The following DIP2C variants were observed in gnomAD, a reference collection of about 807,000 sequenced individuals.
The protein encoded by DIP2C is DIP2 acetate--CoA ligase C (putative), also known as disco-interacting protein 2 homolog C.
DIP2C carries 33 observed loss-of-function variants against 192.4 expected under a neutral mutation model. The ratio of observed to expected loss-of-function variants is 0.17; its 90% CI spans 0.13 to 0.23. The LOEUF (loss-of-function observed/expected upper bound fraction) is 0.23, where lower values mean the gene tolerates loss of function less well. Ranked by LOEUF, DIP2C falls within the 10% of genes least tolerant of loss-of-function variation. The probability of loss-of-function intolerance (pLI) is 1.00; values close to 1 mark genes in which losing one functional copy is unlikely to be tolerated. For missense variants in DIP2C, 1,537 were observed against 2,110.1 expected (o/e 0.73, Z 5.32); for synonymous variants, 979 against 864.1 (o/e 1.13, Z -2.33).
intron 1 of DIP2C, among the ~76,000 whole-genome samples, chr10:503,101 G>T (rs993136558): frequency 1.4e-5 from 2 of 138,778 alleles, no homozygotes; most frequent in African/African-American, 5.4e-5. Context: ...GACTTACCAC[G>T]ATTCCAACAT....
chr10:491,627 G>A, intron 1 of DIP2C, among the ~76,000 whole-genome samples: 1 of 152,196 alleles, frequency 6.6e-6, no homozygotes. Context: ...AACTAGTGTG[G>A]GTCGCATTTT....
In DIP2C at chr10:277,276, G is replaced by T. The variant is rs746003575; in HGVS notation, c.*49C>A. The stretch of plus-strand genomic sequence containing the variant: ...GTCTGCACGCTTCAGTGGACACGGA[G>T]AACAATGTCTACATCTCTAGAAAAG... On this transcript the variant is annotated 3_prime_UTR_variant, in exon 37 of 37. Transcript: ENST00000280886. The T allele has an allele frequency of 1.0e-5, 16 of 1,600,092 alleles. No individual in the cohort carries two copies. The African/African-American group carries it at 1.5e-4, about 15-fold the overall frequency.
At chr10:529,179 T>C (rs1847235319) in intron 1 of DIP2C, among the ~76,000 whole-genome samples, 1 of 152,238 alleles carries the variant, frequency 6.6e-6, no homozygotes. Context: ...AGATGGGAAC[T>C]GGGACACTGC....
chr10:578,431 C>A (rs560706076), intron 1 of DIP2C, among the ~76,000 whole-genome samples: 1 of 152,302 alleles, frequency 6.6e-6, no homozygotes, highest in Admixed American at 6.5e-5. Context: ...TTAGTTCTAC[C>A]TCACTGAAAT....
At chr10:552,089 A>C (rs888324157) in intron 1 of DIP2C, among the ~76,000 whole-genome samples, 1 of 152,350 alleles carries the variant, frequency 6.6e-6, no homozygotes, top group Non-Finnish European at 1.5e-5. Context: ...TCAGTCTGCA[A>C]TCTAAGCTGG....
intron 1 of DIP2C, among the ~76,000 whole-genome samples, chr10:561,341 C>A (rs1051630464): frequency 6.6e-6 from 1 of 152,144 alleles, no homozygotes; most frequent in East Asian, 1.9e-4. Context: ...GCCCACTGTA[C>A]GAGAAGTCTC....
intron 22 of DIP2C, among the ~76,000 whole-genome samples, 181 bp from the exon 23 acceptor site, chr10:358,118 C>T (rs1959169241): frequency 6.6e-6 from 1 of 152,090 alleles, no homozygotes; most frequent in African/African-American, 2.4e-5. Context: ...GTGTAACAAG[C>T]CTTGGTCAGG....
intron 24 of DIP2C, among the ~76,000 whole-genome samples, chr10:350,445 T>A (rs553529067): frequency 6.6e-6 from 1 of 152,118 alleles, no homozygotes; most frequent in African/African-American, 2.4e-5. Context: ...CCTAGTTCCT[T>A]TGCAGCACTC....
At chr10:311,472 G>C in intron 31 of DIP2C, 7 of 1,210,406 alleles carry the variant, frequency 5.8e-6, no homozygotes, top group Non-Finnish European at 7.2e-6. Flanking sequence ...CCCACGGCTG[G>C]ATGCGGGCAA....
chr10:425,330 G>A (rs1370496386), intron 4 of DIP2C, among the ~76,000 whole-genome samples: 1 of 84,056 alleles, frequency 1.2e-5, no homozygotes, highest in African/African-American at 4.8e-5. Flanking sequence ...AATGTGACAC[G>A]GATGATACAG....
intron 2 of DIP2C, among the ~76,000 whole-genome samples, chr10:474,371 A>G (rs900283655): frequency 1.1e-4 from 16 of 152,184 alleles, no homozygotes; most frequent in African/African-American, 3.9e-4. Context: ...TTGGCTTACA[A>G]TGTACCTATT....
chr10:470,094 G>A (rs991998147), intron 3 of DIP2C, among the ~76,000 whole-genome samples: 3 of 152,146 alleles, frequency 2.0e-5, no homozygotes, highest in African/African-American at 7.2e-5. Flanking sequence ...ATGCTTGATA[G>A]GTAAGTAGAT....
chr10:499,316 G>A (rs534037209), intron 1 of DIP2C, among the ~76,000 whole-genome samples: 6 of 147,770 alleles, frequency 4.1e-5, no homozygotes, highest in East Asian at 3.9e-4. Context: ...CTGTGTGGAC[G>A]GCTGGGCTCC....
At position 414,052 on chromosome 10, in the gene DIP2C, G is replaced by C; in HGVS notation, c.918C>G (p.Arg306=). ...KPEGAQMLAM[R]GEQLGVVTNW... ...TCGTGACCACGCCCAGCTGCTCTCC[G>C]CGCATGGCCAGCATCTGGGCCCCCT... The change falls in exon 8 of 37, where the codon CGC becomes CGG. Residue 306 remains arginine (R), a synonymous_variant. Coordinates refer to ENST00000280886, the MANE Select transcript of DIP2C (RefSeq NM_014974.3). 1.2e-6 allele frequency: 2 copies of C among 1,614,018 alleles called. No homozygotes were observed. Among genetic ancestry groups the C allele is most frequent in the Non-Finnish European group, 1.7e-6 (2 of 1,179,906 alleles).
At chr10:311,718 A>T (rs72772836) in intron 31 of DIP2C, among the ~76,000 whole-genome samples, 1 of 152,210 alleles carries the variant, frequency 6.6e-6, no homozygotes, top group Non-Finnish European at 1.5e-5. Flanking sequence ...GAAAAGCAGG[A>T]AACAAAATGA....
rs1320077820 is a variant in DIP2C at position 348,709 on chromosome 10, T to C, written c.3163A>G (p.Ile1055Val). The C allele has an allele frequency of 3.7e-6, 6 of 1,614,034 alleles. No homozygotes were observed. Among genetic ancestry groups the C allele is most frequent in the South Asian group, 1.1e-5 (1 of 91,064 alleles). Reference sequence around the variant, plus strand: ...TGTGGGTGCGGGGGACGGACGGTTATTGGCACACAGCCTGCGTACAGGCAA... The same window carrying C: ...TGTGGGTGCGGGGGACGGACGGTTACTGGCACACAGCCTGCGTACAGGCAA... ...YGCLYAGCVP[I>V]TVRPPHPQNI... Residue 1055 changes from isoleucine to valine, a missense_variant, in exon 26 of 37, where the codon ATA becomes GTA. Physicochemically the swap from Ile to Val is conservative, Grantham distance 29. Coordinates refer to ENST00000280886, the MANE Select transcript of DIP2C (RefSeq NM_014974.3).
At chr10:361,877 G>A (rs556710672) in intron 22 of DIP2C, among the ~76,000 whole-genome samples, 1 of 152,220 alleles carries the variant, frequency 6.6e-6, no homozygotes. Flanking sequence ...GTGGTGAAAT[G>A]GATACTGTTC....
intron 1 of DIP2C, among the ~76,000 whole-genome samples, chr10:590,152 G>A (rs941546666): frequency 6.6e-6 from 1 of 152,230 alleles, no homozygotes; most frequent in Non-Finnish European, 1.5e-5. Flanking sequence ...TGTGAAAACC[G>A]GAGTCACGGC....
intron 6 of DIP2C, among the ~76,000 whole-genome samples, chr10:417,485 A>T (rs148672954): frequency 6.6e-6 from 1 of 152,366 alleles, no homozygotes; most frequent in African/African-American, 2.4e-5. Context: ...CATTCCAGGA[A>T]AAGTCATCGC....
Sources: allele counts gnomAD v4.1 joint callset (sites outside exome capture counted in the v4.1 genomes callset), GRCh38; gene constraint gnomAD v4.1.1; transcripts MANE v1.5; gene names NCBI Gene and HGNC (gene_info 2026-07-23, HGNC 2026-07-21).